KIF13B: variants seen among roughly 807,000 people sequenced by gnomAD.
KIF13B encodes kinesin-like protein KIF13B.
Under a neutral mutation model 222.0 loss-of-function variants are expected in KIF13B, and 127 were observed. The ratio of observed to expected loss-of-function variants is 0.57; its 90% CI spans 0.50 to 0.66. KIF13B has a LOEUF of 0.66. Among genes scored for constraint, KIF13B ranks in the 30% least tolerant of loss-of-function variants. The pLI, the probability that KIF13B is intolerant of heterozygous loss-of-function variation, is 0.00. For synonymous variants in KIF13B, 976 were observed against 919.0 expected, an observed-to-expected ratio of 1.06 and a Z score of -1.12; for missense variants, 2,173 against 2,379.0, an observed-to-expected ratio of 0.91 and a Z score of 1.80.
At chr8:29,124,925 C>G (rs1414815940) in intron 26 of KIF13B, among the ~76,000 whole-genome samples, 1 of 151,558 alleles carries the variant, frequency 6.6e-6, no homozygotes, top group African/African-American at 2.4e-5. Flanking sequence ...TGGTGTTCAC[C>G]TTTCATGCCA....
intron 22 of KIF13B, among the ~76,000 whole-genome samples, chr8:29,133,506 G>A (rs781075704): frequency 6.6e-6 from 1 of 152,122 alleles, no homozygotes; most frequent in African/African-American, 2.4e-5. Flanking sequence ...CAGGAGAATC[G>A]CTTGAACCCA....
intron 35 of KIF13B, among the ~76,000 whole-genome samples, chr8:29,107,322 G>C (rs958990790): frequency 3.3e-5 from 5 of 152,096 alleles, no homozygotes; most frequent in African/African-American, 1.2e-4. Flanking sequence ...GCGGTCTGGA[G>C]TTTGAGACCA....
intron 3 of KIF13B, among the ~76,000 whole-genome samples, chr8:29,195,140 T>C (rs1462814675): frequency 1.3e-5 from 2 of 151,786 alleles, no homozygotes; most frequent in Non-Finnish European, 2.9e-5. Flanking sequence ...CCCAGCTACT[T>C]AGGAGGCTGA....
chr8:29,176,678 A>G (rs921532955), intron 9 of KIF13B, among the ~76,000 whole-genome samples: 1 of 152,182 alleles, frequency 6.6e-6, no homozygotes, highest in Non-Finnish European at 1.5e-5. Flanking sequence ...AGTCCATATG[A>G]AGGAACTGAT....
chr8:29,228,377 G>C (rs190222225), intron 2 of KIF13B, among the ~76,000 whole-genome samples: 190 of 150,984 alleles, frequency 1.3e-3, no homozygotes, highest in African/African-American at 4.6e-3. Context: ...TGAGGCAAGA[G>C]AATAGCGTGA....
chr8:29,262,486 GGCCAA>G (rs1816714140), intron 1 of KIF13B, among the ~76,000 whole-genome samples: 1 of 152,138 alleles, frequency 6.6e-6, no homozygotes, highest in Admixed American at 6.5e-5. Flanking sequence ...TCCCGCCGCG[GGCCAA>G]GGCGGTGCAG....
intron 6 of KIF13B, 65 bp downstream of exon 6, chr8:29,186,227 C>A: frequency 7.6e-7 from 1 of 1,320,854 alleles, no homozygotes. Context: ...AAGATTTGCA[C>A]TTAAGCCAAT....
intron 37 of KIF13B, among the ~76,000 whole-genome samples, chr8:29,086,335 C>T (rs1250336390): frequency 2.0e-5 from 3 of 152,094 alleles, no homozygotes; most frequent in South Asian, 2.1e-4. Context: ...GTGACTAAGC[C>T]GGAGGATTAC....
intron 28 of KIF13B, 144 bp from the exon 29 acceptor site, chr8:29,122,790 CAG>C (rs1045560875): frequency 1.5e-6 from 1 of 664,178 alleles, no homozygotes; most frequent in Non-Finnish European, 2.7e-6. Context: ...AATCCAGAAT[CAG>C]AGAGGCCACA....
intron 1 of KIF13B, among the ~76,000 whole-genome samples, chr8:29,252,339 A>G (rs140028672): frequency 2.1e-4 from 32 of 152,278 alleles, no homozygotes; most frequent in African/African-American, 7.5e-4. Flanking sequence ...GGCCTGGGAG[A>G]CTCCCTTTAC....
At chr8:29,212,297 C>T (rs1002832529) in intron 2 of KIF13B, among the ~76,000 whole-genome samples, 1 of 152,090 alleles carries the variant, frequency 6.6e-6, no homozygotes, top group Non-Finnish European at 1.5e-5. Flanking sequence ...GTGTATATAC[C>T]ACTTTACATT....
intron 14 of KIF13B, among the ~76,000 whole-genome samples, chr8:29,151,794 T>A (rs1811307599): frequency 6.8e-6 from 1 of 147,394 alleles, no homozygotes; most frequent in Non-Finnish European, 1.5e-5. Context: ...TTTTCATGCC[T>A]GATAACACAA....
At chr8:29,201,417 T>C (rs1030356645) in intron 2 of KIF13B, among the ~76,000 whole-genome samples, 1 of 152,170 alleles carries the variant, frequency 6.6e-6, no homozygotes, top group Admixed American at 6.5e-5. Flanking sequence ...AATGCCAAAA[T>C]ACGAAGAAGA....
chr8:29,155,093 C>T (rs1039833628), intron 14 of KIF13B, among the ~76,000 whole-genome samples: 6 of 152,118 alleles, frequency 3.9e-5, no homozygotes, highest in African/African-American at 1.4e-4. Flanking sequence ...GGAGCCCCTT[C>T]ATTCCTCCAT....
chr8:29,143,925 T>G (rs556421626), intron 18 of KIF13B, among the ~76,000 whole-genome samples: 37 of 152,054 alleles, frequency 2.4e-4, no homozygotes, highest in Middle Eastern at 6.8e-3. Context: ...AAAAGTATGC[T>G]CTGAAGTTTT....
intron 29 of KIF13B, among the ~76,000 whole-genome samples, chr8:29,120,003 G>T (rs1809782286): frequency 6.6e-6 from 1 of 152,104 alleles, no homozygotes; most frequent in Non-Finnish European, 1.5e-5. Flanking sequence ...GATGTGTTAG[G>T]AATTTAACTG....
intron 23 of KIF13B, among the ~76,000 whole-genome samples, chr8:29,131,625 C>T (rs1810348457): frequency 1.3e-5 from 2 of 152,190 alleles, no homozygotes; most frequent in South Asian, 2.1e-4. Context: ...AAGAAGCCTA[C>T]CTCTTTCCAA....
rs13261819 is a variant in KIF13B at position 29,131,628 on chromosome 8, C to T, written c.2942+680G>A. 7.9e-5 allele frequency among the ~76,000 whole-genome samples: 12 copies of T among 152,230 alleles called. No homozygotes were observed. The South Asian group carries it at 2.5e-3, about 32-fold the overall frequency. ...TTTAAGTCCACAAAGAAGCCTACCTCTTTCCAACACTGATGCCACTCAGAG... is the reference window on the plus strand; with the variant it reads ...TTTAAGTCCACAAAGAAGCCTACCTTTTTCCAACACTGATGCCACTCAGAG... On this transcript the variant is annotated intron_variant, in intron 23 of 39. Coordinates refer to ENST00000524189, the MANE Select transcript of KIF13B (RefSeq NM_015254.4).
At chr8:29,163,269 C>T (rs916812073) in intron 12 of KIF13B, among the ~76,000 whole-genome samples, 40 of 152,224 alleles carry the variant, frequency 2.6e-4, no homozygotes, top group Admixed American at 2.6e-3. Context: ...TAAAACTATA[C>T]ATAACAATTA....
Sources: gnomAD v4.1 joint callset for allele counts (sites outside exome capture counted in the v4.1 genomes callset) on GRCh38, gnomAD v4.1.1 for gene constraint, MANE v1.5 for transcripts, NCBI Gene and HGNC (gene_info 2026-07-23, HGNC 2026-07-21) for gene names.